The following RHOD variants were observed in gnomAD, a reference collection of about 807,000 sequenced individuals.
RHOD encodes the protein rho-related GTP-binding protein RhoD.
In RHOD, 11 loss-of-function variants were observed where a neutral mutation model predicts 16.7. That is an observed-to-expected ratio of 0.66 (90% confidence interval 0.41 to 1.09). The LOEUF (loss-of-function observed/expected upper bound fraction) is 1.09. Ranked by LOEUF, RHOD falls within the 50% of genes least tolerant of loss-of-function variation. RHOD has a pLI of 0.00. For missense variants in RHOD, 271 were observed against 291.7 expected (o/e 0.93, Z 0.52); for synonymous variants, 124 against 126.3 (o/e 0.98, Z 0.12).
At position 67,065,999 on chromosome 11, in the gene RHOD, T is replaced by TGGGGG; in HGVS notation, c.220+20_220+21insGGGGG. The stretch of plus-strand genomic sequence containing the variant: ...GACACAGCAGGTGGGTGTGCAGGGG[T>TGGGGG]GGGGCAGGGTGGGAGGGGCTTCTGT... On this transcript the variant is annotated intron_variant, in intron 2 of 4. Transcript: ENST00000308831. 1 of 570,792 alleles carries TGGGGG rather than the reference T, an allele frequency of 1.8e-6. No individual in the cohort carries two copies. Among genetic ancestry groups the TGGGGG allele is most frequent in the Non-Finnish European group, 3.4e-6 (1 of 293,862 alleles). The allele number at this position is 570,792 out of a possible 1,614,324, so 35.4% of individuals were successfully genotyped here. A position where few individuals can be genotyped will look rare whatever the true frequency, so the allele number is the denominator to read the frequency against.
chr11:67,061,952 G>T (rs1329124407), intron 1 of RHOD, among the ~76,000 whole-genome samples: 1 of 151,020 alleles, frequency 6.6e-6, no homozygotes, highest in Non-Finnish European at 1.5e-5. Flanking sequence ...CAGTGAGCAA[G>T]ATTGCACTAC....
intron 1 of RHOD, among the ~76,000 whole-genome samples, chr11:67,061,756 AT>A (rs201434846): frequency 0.049 from 5,209 of 107,182 alleles, 174 homozygotes; most frequent in Non-Finnish European, 0.06. Flanking sequence ...AAAAAAAAAA[AT>A]ATATATATAT....
rs891046644 is a variant in RHOD at position 67,064,283 on chromosome 11, G to A, written c.133-1613G>A. ...TAGCCGGGCGTGGTGGCGGGCGCCT[G>A]TAGTCCCAGCTACTCAGGAGGCTGA... is the stretch of plus-strand genomic sequence containing the variant. On this transcript the variant is annotated intron_variant, in intron 1 of 4. Coordinates refer to ENST00000308831, the MANE Select transcript of RHOD (RefSeq NM_014578.4). Among the ~76,000 whole-genome samples, 292 of 150,974 alleles carry A rather than the reference G, an allele frequency of 1.9e-3. 1 individual carries two copies. Among genetic ancestry groups the A allele is most frequent in the Non-Finnish European group, 3.2e-3 (217 of 67,832 alleles).
At chr11:67,059,458 G>A (rs1006068119) in intron 1 of RHOD, among the ~76,000 whole-genome samples, 12 of 152,068 alleles carry the variant, frequency 7.9e-5, no homozygotes, top group South Asian at 2.1e-4. Context: ...CAGGAGAATC[G>A]CTTGAACTCA....
intron 1 of RHOD, among the ~76,000 whole-genome samples, chr11:67,061,386 A>C (rs1047395789): frequency 6.6e-6 from 1 of 152,176 alleles, no homozygotes; most frequent in Non-Finnish European, 1.5e-5. Flanking sequence ...TAATCCCAGC[A>C]CTTCGGGAGG....
chr11:67,070,387 C>T lies in RHOD; in HGVS notation c.331-38C>T, dbSNP rs1014210636. ...GAGAGGGCCAGAACTCTCCAGGGCT[C>T]ACACATGCCCCCCACATGCCCCCTC... is the stretch of plus-strand genomic sequence containing the variant. On this transcript the variant is annotated intron_variant, in intron 3 of 4. Transcript: ENST00000308831. 1.9e-6 allele frequency: 3 copies of T among 1,609,748 alleles called. No individual in the cohort carries two copies. In the East Asian group the frequency reaches 6.7e-5, roughly 36 times the overall value.
chr11:67,057,099 C>G, intron 1 of RHOD, 65 bp downstream of exon 1: 1 of 1,353,200 alleles, frequency 7.4e-7, no homozygotes, highest in South Asian at 1.8e-5. Flanking sequence ...AGGTCCGTGC[C>G]GGAGCGGCCC....
In RHOD at chr11:67,070,330, G is replaced by T. The variant is rs571721789; in HGVS notation, c.331-95G>T. On this transcript the variant is annotated intron_variant, in intron 3 of 4. Coordinates refer to ENST00000308831, the MANE Select transcript of RHOD (RefSeq NM_014578.4). ...GGCTTTGCTGATTATCCATATCAGA[G>T]CTCAGGCTGGGGAGCAAGAGAGTGG... is the stretch of plus-strand genomic sequence containing the variant. 8 of 1,332,430 alleles carry T rather than the reference G, an allele frequency of 6.0e-6. No homozygotes were observed. The East Asian group carries it at 1.6e-4, about 27-fold the overall frequency. 82.5% of individuals were successfully genotyped at this position (1,332,430 alleles called of 1,614,324 possible). A position where few individuals can be genotyped will look rare whatever the true frequency, so the allele number is the denominator to read the frequency against.
At chr11:67,063,118 G>A (rs1004973419) in intron 1 of RHOD, among the ~76,000 whole-genome samples, 9 of 152,300 alleles carry the variant, frequency 5.9e-5, no homozygotes, top group Admixed American at 4.6e-4. Context: ...TGGGCTGGGC[G>A]TGGTGGCTCA....
At chr11:67,064,000 GGA>G (rs1854925632) in intron 1 of RHOD, among the ~76,000 whole-genome samples, 1 of 150,078 alleles carries the variant, frequency 6.7e-6, no homozygotes, top group Admixed American at 6.7e-5. Context: ...CAGCTACTCG[GGA>G]GGCTGAGGCA....
intron 1 of RHOD, among the ~76,000 whole-genome samples, chr11:67,059,116 G>T (rs1478823944): frequency 6.6e-6 from 1 of 152,188 alleles, no homozygotes; most frequent in Non-Finnish European, 1.5e-5. Flanking sequence ...TGCTTTGAGG[G>T]ACATGCTGGG....
chr11:67,066,614 T>G, intron 2 of RHOD, 124 bp from the exon 3 acceptor site: 1 of 728,298 alleles, frequency 1.4e-6, no homozygotes, highest in Middle Eastern at 3.6e-4. Context: ...TGCCAAACTC[T>G]GAGGCAAAAA....
Position 67,066,676 on chromosome 11 carries a change from T to C in RHOD, c.221-62T>C, listed in dbSNP as rs566383779. 55 of 1,066,304 alleles carry C rather than the reference T, an allele frequency of 5.2e-5. No homozygotes were observed. In the East Asian group the frequency reaches 8.8e-4, roughly 17 times the overall value. 66.1% of individuals were successfully genotyped at this position (1,066,304 alleles called of 1,614,324 possible). A position where few individuals can be genotyped will look rare whatever the true frequency, so the allele number is the denominator to read the frequency against. On this transcript the variant is annotated intron_variant, in intron 2 of 4. Transcript: ENST00000308831. ...CATCTGATGAGGTGACCTCCTGACA[T>C]TGGGGCAGTGCTGACAGGGGCCAGG...
At chr11:67,058,245 G>A (rs1271850681) in intron 1 of RHOD, among the ~76,000 whole-genome samples, 1 of 151,308 alleles carries the variant, frequency 6.6e-6, no homozygotes, top group Non-Finnish European at 1.5e-5. Context: ...GCACAATCTC[G>A]GCTCACTGTA....
chr11:67,071,534 G>A lies in RHOD; in HGVS notation c.565G>A (p.Val189Met). Residue 189 changes from valine to methionine, a missense_variant, in exon 5 of 5, where the codon GTG becomes ATG. By Grantham distance (21) the Val-to-Met change is conservative (BLOSUM62 1). Coordinates refer to ENST00000308831, the MANE Select transcript of RHOD (RefSeq NM_014578.4). Reference protein sequence around the residue: ...VHAVFQEAAEVALSSRGRNFW... With the variant: ...VHAVFQEAAEMALSSRGRNFW... ...CGCCGTCTTCCAGGAGGCCGCCGAG[G>A]TGGCCCTCAGCAGCCGCGGTCGCAA... 1 of 1,612,042 alleles carries A rather than the reference G, an allele frequency of 6.2e-7. No individual in the cohort carries two copies. Among genetic ancestry groups the A allele is most frequent in the Non-Finnish European group, 8.5e-7 (1 of 1,179,412 alleles).
At position 67,064,372 on chromosome 11, in the gene RHOD, T is replaced by C. The variant is rs375334620; in HGVS notation, c.133-1524T>C. On this transcript the variant is annotated intron_variant, in intron 1 of 4. Coordinates refer to ENST00000308831, the MANE Select transcript of RHOD (RefSeq NM_014578.4). ...AGTGAGCCAGATCACGCCATTGCAC[T>C]GCAGCCTGGGTGACAGAGTGAGACT... is the stretch of plus-strand genomic sequence containing the variant. Among the ~76,000 whole-genome samples the C allele has an allele frequency of 4.0e-4, 58 of 145,050 alleles. 2 individuals are homozygous for C. In the South Asian group the frequency reaches 0.01, roughly 26 times the overall value.
chr11:67,066,635 G>A lies in RHOD; in HGVS notation c.221-103G>A, dbSNP rs75761252. On this transcript the variant is annotated intron_variant, in intron 2 of 4. Transcript: ENST00000308831. ...ACTCTGAGGCAAAAAACTAGGCCCT[G>A]TCCCCAGAAGCTCCCCATCTGATGA... 4.1e-3 allele frequency: 3,388 copies of A among 817,638 alleles called. 10 individuals carry two copies. Among genetic ancestry groups the A allele is most frequent in the Non-Finnish European group, 6.3e-3 (3,026 of 479,010 alleles). 50.6% of individuals were successfully genotyped at this position (817,638 alleles called of 1,614,324 possible). A position where few individuals can be genotyped will look rare whatever the true frequency, so the allele number is the denominator to read the frequency against.
At chr11:67,066,010 G>T in intron 2 of RHOD, 27 bp downstream of exon 2, 3 of 1,392,350 alleles carry the variant, frequency 2.2e-6, no homozygotes, top group South Asian at 2.3e-5. Flanking sequence ...GGGGCAGGGT[G>T]GGAGGGGCTT....
rs552544180 is a variant in RHOD, at chr11:67,070,621, T to G, written c.465+62T>G. The G allele has an allele frequency of 8.4e-5, 134 of 1,597,254 alleles. No homozygotes were observed. In the East Asian group the frequency reaches 2.9e-3, roughly 34 times the overall value. Reference sequence around the variant, plus strand: ...CTGAGTGAGGGGACCTCTGGATGCCTCTCAGTGGCACCAGGTGTCCAGAAC... The same window carrying G: ...CTGAGTGAGGGGACCTCTGGATGCCGCTCAGTGGCACCAGGTGTCCAGAAC... On this transcript the variant is annotated intron_variant, in intron 4 of 4. Coordinates refer to ENST00000308831, the MANE Select transcript of RHOD (RefSeq NM_014578.4).
Sources: gnomAD v4.1 joint callset for allele counts (sites outside exome capture counted in the v4.1 genomes callset) on GRCh38, gnomAD v4.1.1 for gene constraint, MANE v1.5 for transcripts, NCBI Gene and HGNC (gene_info 2026-07-23, HGNC 2026-07-21) for gene names.